PHACTR3: variants seen among roughly 807,000 people sequenced by gnomAD.
PHACTR3 encodes phosphatase and actin regulator 3.
Under a neutral mutation model 66.8 loss-of-function variants are expected in PHACTR3, and 16 were observed. The ratio of observed to expected loss-of-function variants is 0.24; its 90% confidence interval spans 0.16 to 0.36. The LOEUF is 0.36. PHACTR3 is among the 10% of genes least tolerant of loss of function. PHACTR3 has a pLI of 1.00. For synonymous variants in PHACTR3, 323 were observed against 292.1 expected, an observed-to-expected ratio of 1.11 and a Z score of -1.08; for missense variants, 647 against 719.9, an observed-to-expected ratio of 0.90 and a Z score of 1.16.
intron 8 of PHACTR3, among the ~76,000 whole-genome samples, chr20:59,811,014 C>T (rs976248790): frequency 4.6e-5 from 7 of 152,246 alleles, no homozygotes; most frequent in East Asian, 3.8e-4. Flanking sequence ...ATGTGCTTGA[C>T]GTCTGCCTTA....
chr20:59,578,299 G>C (rs1009468307), intron 1 of PHACTR3, among the ~76,000 whole-genome samples: 1 of 152,254 alleles, frequency 6.6e-6, no homozygotes, highest in Non-Finnish European at 1.5e-5. Context: ...TTTTGCCTGT[G>C]CTCAGTGGCC....
In PHACTR3 at chr20:59,810,890, A is replaced by G. The variant is rs563581892; in HGVS notation, c.1328+4696A>G. 9.2e-5 allele frequency among the ~76,000 whole-genome samples: 14 copies of G among 152,310 alleles called. No individual in the cohort carries two copies. In the East Asian group the frequency reaches 2.7e-3, roughly 29 times the overall value. On this transcript the variant is annotated intron_variant, in intron 8 of 12. Coordinates refer to ENST00000371015, the MANE Select transcript of PHACTR3 (RefSeq NM_080672.5). ...CGCAGCTCCTGCACGGTAGGTGTGC[A>G]CTGGAAATTATGCACAGAGGCACGG...
intron 1 of PHACTR3, among the ~76,000 whole-genome samples, chr20:59,613,540 T>G (rs534427987): frequency 6.6e-6 from 1 of 152,296 alleles, no homozygotes; most frequent in Admixed American, 6.5e-5. Flanking sequence ...CTTTTTCTTT[T>G]TGTTTGTTTG....
chr20:59,735,386 A>G (rs2038911881), intron 1 of PHACTR3, among the ~76,000 whole-genome samples: 1 of 152,142 alleles, frequency 6.6e-6, no homozygotes, highest in Non-Finnish European at 1.5e-5. Context: ...TTATTTTGCA[A>G]TATTATCTGA....
intron 1 of PHACTR3, among the ~76,000 whole-genome samples, chr20:59,646,073 C>T (rs2035273159): frequency 6.6e-6 from 1 of 152,188 alleles, no homozygotes; most frequent in African/African-American, 2.4e-5. Flanking sequence ...CCCCCAGCCC[C>T]TGCGATTCTG....
chr20:59,637,724 T>G (rs1600977719), intron 1 of PHACTR3, among the ~76,000 whole-genome samples: 1 of 144,632 alleles, frequency 6.9e-6, no homozygotes. Context: ...CAACAAACAA[T>G]GAGGAGGGAG....
intron 1 of PHACTR3, among the ~76,000 whole-genome samples, chr20:59,647,750 A>G (rs2035332495): frequency 6.6e-6 from 1 of 152,146 alleles, no homozygotes; most frequent in African/African-American, 2.4e-5. Context: ...ACTCCCTAAC[A>G]TGGTTGCCTA....
At chr20:59,805,318 C>T (rs1283916356) in intron 7 of PHACTR3, among the ~76,000 whole-genome samples, 3 of 152,196 alleles carry the variant, frequency 2.0e-5, no homozygotes, top group South Asian at 2.1e-4. Context: ...GTTAAGTTCA[C>T]GCAACAGTAT....
In PHACTR3 at chr20:59,710,426, A is replaced by G. The variant is rs561749988; in HGVS notation, c.119-32681A>G. 3.4e-4 allele frequency among the ~76,000 whole-genome samples: 52 copies of G among 152,266 alleles called. No individual in the cohort carries two copies. The Middle Eastern group carries it at 0.014, about 40-fold the overall frequency. On this transcript the variant is annotated intron_variant, in intron 1 of 12. Transcript: ENST00000371015. ...CTTGTTTTGTTTCTTGGGAGGCAGC[A>G]ATAAGGTCAAGCTGGGGCTCAAAGC...
chr20:59,737,222 G>A (rs1297465458), intron 1 of PHACTR3, among the ~76,000 whole-genome samples: 1 of 152,146 alleles, frequency 6.6e-6, no homozygotes, highest in Non-Finnish European at 1.5e-5. Context: ...AGCACCCAGT[G>A]CTGACCCTGT....
At chr20:59,624,325 G>C (rs2034369031) in intron 1 of PHACTR3, among the ~76,000 whole-genome samples, 1 of 152,142 alleles carries the variant, frequency 6.6e-6, no homozygotes, top group African/African-American at 2.4e-5. Context: ...TGTCCTCCTG[G>C]GTGATCTTCT....
intron 7 of PHACTR3, among the ~76,000 whole-genome samples, chr20:59,801,509 T>C (rs941146413): frequency 6.6e-6 from 1 of 152,214 alleles, no homozygotes; most frequent in Admixed American, 6.5e-5. Flanking sequence ...TTCTAGAGAA[T>C]AAAGTTAGGC....
At chr20:59,767,476 C>T (rs576813030) in intron 5 of PHACTR3, 81 bp downstream of exon 5, 2 of 1,407,304 alleles carry the variant, frequency 1.4e-6, no homozygotes, top group African/African-American at 2.8e-5. Context: ...TCCACCCATC[C>T]ATCATCTATC....
chr20:59,722,001 C>A (rs2038320712), intron 1 of PHACTR3, among the ~76,000 whole-genome samples: 1 of 152,074 alleles, frequency 6.6e-6, no homozygotes, highest in South Asian at 2.1e-4. Context: ...GAGGCCGATG[C>A]AGGCAGATCA....
At chr20:59,735,650 C>T (rs1173611609) in intron 1 of PHACTR3, among the ~76,000 whole-genome samples, 1 of 152,156 alleles carries the variant, frequency 6.6e-6, no homozygotes. Flanking sequence ...GGCAGCCCTG[C>T]ACTCCGGATT....
intron 4 of PHACTR3, among the ~76,000 whole-genome samples, chr20:59,760,537 G>T (rs2039961345): frequency 6.6e-6 from 1 of 152,162 alleles, no homozygotes; most frequent in Admixed American, 6.5e-5. Context: ...AACCCCTTTT[G>T]CTTCGTTCTC....
intron 1 of PHACTR3, among the ~76,000 whole-genome samples, chr20:59,697,550 C>A (rs1278410757): frequency 6.6e-6 from 1 of 152,028 alleles, no homozygotes; most frequent in Non-Finnish European, 1.5e-5. Context: ...ACTCATCGAA[C>A]CTTCCTGAAC....
In PHACTR3 at chr20:59,641,298, A is replaced by T. The variant is rs531458832; in HGVS notation, c.118+36166A>T. On this transcript the variant is annotated intron_variant, in intron 1 of 12. Transcript: ENST00000371015. ...TCATCCATTGTCTGTCTATCTGTCT[A>T]TCTAGATGTATTAGAAGGAATTGGC... Among the ~76,000 whole-genome samples the T allele has an allele frequency of 6.6e-5, 10 of 152,020 alleles. No homozygotes were observed. The East Asian group carries it at 1.7e-3, about 27-fold the overall frequency.
chr20:59,822,145 C>T (rs2042062297), intron 8 of PHACTR3, among the ~76,000 whole-genome samples: 2 of 52,908 alleles, frequency 3.8e-5, no homozygotes, highest in Non-Finnish European at 6.8e-5. Flanking sequence ...GATCCCACCC[C>T]CTCCGCAGCG....
Sources: gnomAD v4.1 joint callset for allele counts (sites outside exome capture counted in the v4.1 genomes callset) on GRCh38, gnomAD v4.1.1 for gene constraint, MANE v1.5 for transcripts, NCBI Gene and HGNC (gene_info 2026-07-23, HGNC 2026-07-21) for gene names.